ERCC6L2: variants seen among roughly 807,000 people sequenced by gnomAD.
ERCC6L2 encodes the protein DNA excision repair protein ERCC-6-like 2.
ERCC6L2 carries 77 observed loss-of-function variants against 132.0 expected under a neutral mutation model. The observed-to-expected ratio is 0.58, with a 90% CI of 0.49 to 0.71. The LOEUF is 0.71. Among genes scored for constraint, ERCC6L2 ranks in the 30% least tolerant of loss-of-function variants. The probability of loss-of-function intolerance (pLI) is 0.00; values close to 1 mark genes in which losing one functional copy is unlikely to be tolerated. For missense variants in ERCC6L2, 1,542 were observed against 1,837.6 expected (o/e 0.84, Z 2.94); for synonymous variants, 583 against 632.4 (o/e 0.92, Z 1.17).
chr9:95,877,365 A>T (rs1384446912), intron 1 of ERCC6L2, among the ~76,000 whole-genome samples: 4 of 151,028 alleles, frequency 2.6e-5, no homozygotes, highest in African/African-American at 4.9e-5. Context: ...CATGCTGTAC[A>T]CTTATCTGAG....
intron 18 of ERCC6L2, 59 bp downstream of exon 18, chr9:96,004,760 A>C: frequency 4.1e-4 from 440 of 1,070,614 alleles, no homozygotes; most frequent in Non-Finnish European, 5.1e-4. Flanking sequence ...AATGTAGCTC[A>C]TTAGTAAAAT....
intron 13 of ERCC6L2, among the ~76,000 whole-genome samples, chr9:95,965,154 T>C (rs1342078795): frequency 6.6e-6 from 1 of 152,166 alleles, no homozygotes; most frequent in Non-Finnish European, 1.5e-5. Context: ...CCCGAGGGTT[T>C]TTTTTAAGAG....
At chr9:95,994,793 G>C (rs1330289173) in intron 17 of ERCC6L2, among the ~76,000 whole-genome samples, 3 of 152,014 alleles carry the variant, frequency 2.0e-5, no homozygotes, top group African/African-American at 7.3e-5. Flanking sequence ...GCTGTTCCTT[G>C]ATTGCACTTG....
rs764238871 is a variant in ERCC6L2 at position 95,915,776 on chromosome 9, C to T, written c.897C>T (p.Leu299=). 3.1e-6 allele frequency: 5 copies of T among 1,613,806 alleles called. No individual in the cohort carries two copies. The Admixed American group carries it at 5.0e-5, about 16-fold the overall frequency. The part of the protein sequence containing the change: ...KALKCNVRIG[L]TGTILQNNMK... ...TGAAATGTAATGTCCGCATTGGCCT[C>T]ACTGGAACCATCCTTCAGAACAACA... is the stretch of plus-strand genomic sequence containing the variant. The change falls in exon 5 of 19, where the codon CTC becomes CTT. Residue 299 remains leucine, a synonymous_variant. Transcript: ENST00000653738.
intron 3 of ERCC6L2, among the ~76,000 whole-genome samples, chr9:95,906,402 T>C (rs1158644688): frequency 6.6e-6 from 1 of 152,136 alleles, no homozygotes; most frequent in Non-Finnish European, 1.5e-5. Flanking sequence ...CAGCATTGAC[T>C]TTAGGTTGGC....
intron 11 of ERCC6L2, among the ~76,000 whole-genome samples, chr9:95,937,183 T>C (rs1396443225): frequency 6.6e-6 from 1 of 152,218 alleles, no homozygotes; most frequent in Non-Finnish European, 1.5e-5. Context: ...TATTTCGTTT[T>C]ATAAGAAATT....
At chr9:96,007,678 G>T in intron 18 of ERCC6L2, among the ~76,000 whole-genome samples, 1 of 152,206 alleles carries the variant, frequency 6.6e-6, no homozygotes, top group East Asian at 1.9e-4. Flanking sequence ...GGACCATTCA[G>T]CATAGAAGCA....
At position 95,916,277 on chromosome 9, in the gene ERCC6L2, C is replaced by A; in HGVS notation, c.1001C>A (p.Ser334Tyr). Residue 334 changes from serine (S) to tyrosine (Y), a missense_variant, in exon 6 of 19, where the codon TCT becomes TAT. Physicochemically the swap from Ser to Tyr is moderately radical, Grantham distance 144 (BLOSUM62 -2). Coordinates refer to ENST00000653738, the MANE Select transcript of ERCC6L2 (RefSeq NM_020207.7). ...GGGACCTACTTCAAGAAGCAGTTTT[C>A]TGACCCAGTAGAACATGGTCAGAGA... ...GSGTYFKKQFSDPVEHGQRHT... is the reference protein window; with the variant it reads ...GSGTYFKKQFYDPVEHGQRHT... 6.2e-7 allele frequency: 1 copy of A among 1,614,078 alleles called. No individual in the cohort carries two copies.
At chr9:96,032,891 C>T (rs1052118287) in intron 19 of ERCC6L2, among the ~76,000 whole-genome samples, 5 of 152,168 alleles carry the variant, frequency 3.3e-5, no homozygotes, top group Non-Finnish European at 7.3e-5. Flanking sequence ...TTCTACTTAT[C>T]AAGCATTTTC....
At chr9:95,914,712 A>G (rs1462235116) in intron 4 of ERCC6L2, among the ~76,000 whole-genome samples, 1 of 152,196 alleles carries the variant, frequency 6.6e-6, no homozygotes, top group African/African-American at 2.4e-5. Flanking sequence ...ATGATTTGCA[A>G]TATAGTCTGT....
At chr9:95,991,717 A>G (rs1833308734) in intron 17 of ERCC6L2, among the ~76,000 whole-genome samples, 1 of 152,216 alleles carries the variant, frequency 6.6e-6, no homozygotes. Flanking sequence ...TAATGACAAA[A>G]GTGATATTTG....
intron 2 of ERCC6L2, among the ~76,000 whole-genome samples, chr9:95,890,818 A>C (rs1828120807): frequency 6.6e-6 from 1 of 152,042 alleles, no homozygotes; most frequent in Admixed American, 6.5e-5. Context: ...ACAGATGCGC[A>C]CTACCAGGCC....
At chr9:95,887,446 C>A (rs1827932874) in intron 2 of ERCC6L2, among the ~76,000 whole-genome samples, 3 of 152,296 alleles carry the variant, frequency 2.0e-5, no homozygotes, top group Admixed American at 2.0e-4. Flanking sequence ...CTTTTACAGA[C>A]ACCAAAATCT....
Position 95,922,349 on chromosome 9 carries a change from C to T in ERCC6L2, c.1344C>T (p.Tyr448=), listed in dbSNP as rs1349123863. Residue 448 remains tyrosine, a synonymous_variant, in exon 8 of 19, where the codon TAC becomes TAT. Coordinates refer to ENST00000653738, the MANE Select transcript of ERCC6L2 (RefSeq NM_020207.7). ...CAGTGAAAACCTTGTATCTCAGTTA[C>T]CTTACAGTCCTTCAGAAGGTAGCTA... ...GETVKTLYLS[Y]LTVLQKVANH... is the part of the protein sequence containing the mutation. 6.2e-7 allele frequency: 1 copy of T among 1,613,266 alleles called. No individual in the cohort carries two copies. Among genetic ancestry groups the T allele is most frequent in the African/African-American group, 1.3e-5 (1 of 74,894 alleles).
At chr9:95,951,396 G>A (rs1438306890) in intron 12 of ERCC6L2, among the ~76,000 whole-genome samples, 1 of 152,048 alleles carries the variant, frequency 6.6e-6, no homozygotes, top group Non-Finnish European at 1.5e-5. Context: ...CCACCTTAAG[G>A]AACTAGGAAA....
At chr9:95,905,109 T>A (rs554130091) in intron 3 of ERCC6L2, 1 of 152,140 alleles carries the variant, frequency 6.6e-6, no homozygotes, top group South Asian at 2.1e-4. Context: ...GCTCCCAGAG[T>A]TGCTTTGTGT....
chr9:95,995,102 TA>T (rs1228447775), intron 17 of ERCC6L2, among the ~76,000 whole-genome samples: 6 of 152,164 alleles, frequency 3.9e-5, no homozygotes, highest in Non-Finnish European at 8.8e-5. Context: ...GCCTGTGAGG[TA>T]GGGGGGAATC....
At chr9:95,928,887 CT>C in intron 11 of ERCC6L2, 23 bp downstream of exon 11, 1 of 1,463,594 alleles carries the variant, frequency 6.8e-7, no homozygotes, top group Non-Finnish European at 9.2e-7. Context: ...AATTTAATAA[CT>C]AGATTTTTAT....
At chr9:95,953,277 A>C (rs546543707) in intron 12 of ERCC6L2, among the ~76,000 whole-genome samples, 1 of 152,152 alleles carries the variant, frequency 6.6e-6, no homozygotes, top group African/African-American at 2.4e-5. Flanking sequence ...AAAATTTGCT[A>C]TTTAGAAACA....
Sources: gnomAD v4.1 joint callset for allele counts (sites outside exome capture counted in the v4.1 genomes callset) on GRCh38, gnomAD v4.1.1 for gene constraint, MANE v1.5 for transcripts, NCBI Gene and HGNC (gene_info 2026-07-23, HGNC 2026-07-21) for gene names.